The following CCDC183 variants were observed in gnomAD, a reference collection of about 807,000 sequenced individuals.
The protein encoded by CCDC183 is coiled-coil domain-containing protein 183.
CCDC183 carries 63 observed loss-of-function variants against 65.2 expected under a neutral mutation model. The ratio of observed to expected loss-of-function variants is 0.97; its 90% confidence interval spans 0.79 to 1.19. The LOEUF is 1.19. CCDC183 is among the 50% of genes most tolerant of loss of function. CCDC183 has a pLI of 0.00. For missense variants in CCDC183, 769 were observed against 689.3 expected, an observed-to-expected ratio of 1.12 and a Z score of -1.30; for synonymous variants, 323 against 276.5, an observed-to-expected ratio of 1.17 and a Z score of -1.67.
At chr9:136,798,234 G>A (rs1847682765) in intron 1 of CCDC183, among the ~76,000 whole-genome samples, 1 of 151,922 alleles carries the variant, frequency 6.6e-6, no homozygotes, top group Non-Finnish European at 1.5e-5. Context: ...TCAAACTCCT[G>A]ACCTCAGGTG....
intron 8 of CCDC183, 142 bp from the exon 9 acceptor site, chr9:136,805,215 C>T (rs536358424): frequency 1.6e-5 from 11 of 668,262 alleles, no homozygotes; most frequent in African/African-American, 1.4e-4. Flanking sequence ...CAGGTTGGGG[C>T]GGGGGCAGGC....
At position 136,800,436 on chromosome 9, in the gene CCDC183, C is replaced by T. The variant is rs748530768; in HGVS notation, c.486C>T (p.Ile162=). ...ENNIEKTMIK[I]ITSQNIHLLY... The stretch of plus-strand genomic sequence containing the variant: ...ACATCGAGAAGACAATGATCAAGAT[C>T]ATCACCAGCCAGAACATCCACCTGC... Residue 162 remains isoleucine, a synonymous_variant, in exon 5 of 14, where the codon ATC becomes ATT. Coordinates refer to ENST00000338005, the MANE Select transcript of CCDC183 (RefSeq NM_001039374.5). The T allele has an allele frequency of 5.6e-6, 9 of 1,613,012 alleles. No individual in the cohort carries two copies. In the South Asian group the frequency reaches 7.7e-5, roughly 14 times the overall value.
Position 136,806,090 on chromosome 9 carries a change from C to T in CCDC183, c.961C>T (p.Arg321Cys), listed in dbSNP as rs1029437883. Residue 321 changes from arginine (R) to cysteine (C), a missense_variant, in exon 10 of 14, where the codon CGC becomes TGC. Arg to Cys is a radical substitution (Grantham distance 180, BLOSUM62 -3). Transcript: ENST00000338005. Reference sequence around the variant, plus strand: ...CCGGACTGGCCAGGACATCACTAGCCGCTTCCTGGCCCAGAGGAACACGGA... The same window carrying T: ...CCGGACTGGCCAGGACATCACTAGCTGCTTCCTGGCCCAGAGGAACACGGA... ...RCSHVWDITS[R>C]FLAQRNTEEN... 10 of 1,550,598 alleles carry T rather than the reference C, an allele frequency of 6.4e-6. No individual in the cohort carries two copies. Among genetic ancestry groups the T allele is most frequent in the Middle Eastern group, 2.0e-4 (1 of 5,074 alleles).
chr9:136,804,874 G>C lies in CCDC183; in HGVS notation c.847+58G>C. ...AGGGTCCCAAGGAGAGGCTGGCACT[G>C]ATTCAGGCCAACGGATCAAGTCACC... On this transcript the variant is annotated intron_variant, in intron 8 of 13. Coordinates refer to ENST00000338005, the MANE Select transcript of CCDC183 (RefSeq NM_001039374.5). This position sits in a 1 kb window ranked among gnomAD's most constrained non-coding sequence, Gnocchi z 4.1. The C allele has an allele frequency of 6.8e-7, 1 of 1,469,952 alleles. No homozygotes were observed. Among genetic ancestry groups the C allele is most frequent in the South Asian group, 1.1e-5 (1 of 87,624 alleles). The allele number at this position is 1,469,952 out of a possible 1,614,324, so 91.1% of individuals were successfully genotyped here. A position where few individuals can be genotyped will look rare whatever the true frequency, so the allele number is the denominator to read the frequency against.
chr9:136,806,994 C>G lies in CCDC183; in HGVS notation c.1414C>G (p.Leu472Val). Residue 472 changes from leucine to valine, a missense_variant, in exon 13 of 14, where the codon CTG becomes GTG. Coordinates refer to ENST00000338005, the MANE Select transcript of CCDC183 (RefSeq NM_001039374.5). ...EEGDTKVRDT[L>V]ESSTLMEKYN... Reference sequence around the variant, plus strand: ...GGGCGACACAAAGGTGAGGGACACCCTGGAGTCCTCGACTCTGATGGAGAA... The same window carrying G: ...GGGCGACACAAAGGTGAGGGACACCGTGGAGTCCTCGACTCTGATGGAGAA... The G allele has an allele frequency of 1.2e-6, 2 of 1,613,710 alleles. No individual in the cohort carries two copies. Among genetic ancestry groups the G allele is most frequent in the East Asian group, 2.2e-5 (1 of 44,886 alleles).
chr9:136,799,781 C>T lies in CCDC183; in HGVS notation c.261C>T (p.Ser87=). The part of the protein sequence containing the change: ...NLPLRLAHCR[S]TMEVVREKLR... The stretch of plus-strand genomic sequence containing the variant: ...CTTTGCGACTGGCGCACTGCCGCAG[C>T]ACCATGGAGGTAACCAGGCAGGAGG... The change falls in exon 3 of 14, where the codon AGC becomes AGT. Residue 87 remains serine (S), a synonymous_variant. Coordinates refer to ENST00000338005, the MANE Select transcript of CCDC183 (RefSeq NM_001039374.5). The T allele has an allele frequency of 6.2e-7, 1 of 1,612,804 alleles. No individual in the cohort carries two copies. Among genetic ancestry groups the T allele is most frequent in the Non-Finnish European group, 8.5e-7 (1 of 1,179,684 alleles).
chr9:136,800,313 C>G, intron 4 of CCDC183, 76 bp from the exon 5 acceptor site: 1 of 1,483,800 alleles, frequency 6.7e-7, no homozygotes, highest in South Asian at 1.2e-5. Flanking sequence ...CGACCCTCTC[C>G]GGAGAAAACC....
At position 136,806,243 on chromosome 9, in the gene CCDC183, C is replaced by T; in HGVS notation, c.1109+5C>T. On this transcript the variant is annotated splice_donor_5th_base_variant and intron_variant, in intron 10 of 13. Coordinates refer to ENST00000338005, the MANE Select transcript of CCDC183 (RefSeq NM_001039374.5). ...CCAGAAGCCTAGCTCCATCAGGTGC[C>T]CCGGGCTTCCGGGGCTGCGGGCCAC... is the stretch of plus-strand genomic sequence containing the variant. 1 of 1,587,782 alleles carries T rather than the reference C, an allele frequency of 6.3e-7. No individual in the cohort carries two copies. The highest frequency in any genetic ancestry group is 8.6e-7 in the Non-Finnish European group (1 of 1,167,076).
chr9:136,804,846 G>C lies in CCDC183; in HGVS notation c.847+30G>C, dbSNP rs1217100160. The C allele has an allele frequency of 6.2e-7, 1 of 1,604,616 alleles. No homozygotes were observed. Among genetic ancestry groups the C allele is most frequent in the South Asian group, 1.1e-5 (1 of 90,886 alleles). ...GCGCTCAGCTCCCCACCTGCCCCCA[G>C]CCAGGGTCCCAAGGAGAGGCTGGCA... On this transcript the variant is annotated intron_variant, in intron 8 of 13. Coordinates refer to ENST00000338005, the MANE Select transcript of CCDC183 (RefSeq NM_001039374.5). The surrounding 1 kb of genome is among the most constrained non-coding windows in gnomAD (Gnocchi z 4.1).
rs746863076 is a variant in CCDC183 at position 136,802,756 on chromosome 9, A to G, written c.636A>G (p.Gln212=). 2 of 1,613,162 alleles carry G rather than the reference A, an allele frequency of 1.2e-6. No homozygotes were observed. The highest frequency in any genetic ancestry group is 1.7e-6 in the Non-Finnish European group (2 of 1,179,696). ...TGTCGGATATGAAGATCATGTCCCA[A>G]GATGCCATGATGATCACGGATGAGG... is the stretch of plus-strand genomic sequence containing the variant. ...SELSDMKIMS[Q]DAMMITDEVK... Residue 212 remains glutamine (Q), a synonymous_variant, in exon 6 of 14, where the codon CAA becomes CAG. Transcript: ENST00000338005.
Position 136,799,206 on chromosome 9 carries a change from T to A in CCDC183, c.175T>A (p.Trp59Arg). 2 of 1,606,764 alleles carry A rather than the reference T, an allele frequency of 1.2e-6. No homozygotes were observed. The highest frequency in any genetic ancestry group is 1.7e-6 in the Non-Finnish European group (2 of 1,177,102). Residue 59 changes from tryptophan (W) to arginine (R), a missense_variant, in exon 2 of 14, where the codon TGG becomes AGG. Transcript: ENST00000338005. ...CAACATCCGCCGCGGGGCCCAGGAC[T>A]GGGCTTTGGCCAAGAAGGTACACAA... is the stretch of plus-strand genomic sequence containing the variant. ...RSNIRRGAQD[W>R]ALAKKYDQWT...
At chr9:136,801,805 T>C (rs1467108806) in intron 5 of CCDC183, among the ~76,000 whole-genome samples, 1 of 152,182 alleles carries the variant, frequency 6.6e-6, no homozygotes, top group Non-Finnish European at 1.5e-5. Context: ...TTTTGTTTTT[T>C]GAGATGGAGT....
chr9:136,800,162 T>C lies in CCDC183; in HGVS notation c.431T>C (p.Leu144Pro), dbSNP rs749645278. 46 of 1,250,784 alleles carry C rather than the reference T, an allele frequency of 3.7e-5. 1 individual carries two copies. The South Asian group carries it at 5.1e-4, about 14-fold the overall frequency. The allele number at this position is 1,250,784 out of a possible 1,614,324, so 77.5% of individuals were successfully genotyped here. ...GACGCCAGCAAGGAGGAGCTGCGGC[T>C]GCTGCAGGTGGAGAGGCGGGGCTGG... Reference protein sequence around the residue: ...QPDASKEELRLLQIIRQLENN... With the variant: ...QPDASKEELRPLQIIRQLENN... Residue 144 changes from leucine (L) to proline (P), a missense_variant, in exon 4 of 14, where the codon CTG becomes CCG. By Grantham distance (98) the Leu-to-Pro change is moderately conservative. Coordinates refer to ENST00000338005, the MANE Select transcript of CCDC183 (RefSeq NM_001039374.5).
intron 5 of CCDC183, chr9:136,800,778 G>A: frequency 2.6e-6 from 1 of 381,454 alleles, no homozygotes; most frequent in Non-Finnish European, 4.9e-6. Flanking sequence ...CATTGCCTGG[G>A]CCTCTGAGAG....
Position 136,800,317 on chromosome 9 carries a change from G to A in CCDC183, c.439-72G>A, listed in dbSNP as rs1201436005. ...CTAAGAGAGCACGACCCTCTCCGGA[G>A]AAAACCCAGCCCCGACACCCTCCGG... On this transcript the variant is annotated intron_variant, in intron 4 of 13. Coordinates refer to ENST00000338005, the MANE Select transcript of CCDC183 (RefSeq NM_001039374.5). 3 of 1,496,470 alleles carry A rather than the reference G, an allele frequency of 2.0e-6. No homozygotes were observed. The African/African-American group carries it at 4.2e-5, about 21-fold the overall frequency. 92.7% of individuals were successfully genotyped at this position (1,496,470 alleles called of 1,614,324 possible). A position where few individuals can be genotyped will look rare whatever the true frequency, so the allele number is the denominator to read the frequency against.
At chr9:136,799,289 G>C in intron 2 of CCDC183, 66 bp downstream of exon 2, 5 of 1,519,012 alleles carry the variant, frequency 3.3e-6, no homozygotes, top group Non-Finnish European at 4.4e-6. Flanking sequence ...ACACACACTC[G>C]GAGGGCGGGC....
rs76153658 is a variant in CCDC183 at position 136,807,034 on chromosome 9, T to C, written c.1454T>C (p.Ile485Thr). Residue 485 changes from isoleucine (I) to threonine (T), a missense_variant, in exon 13 of 14, where the codon ATC (isoleucine) becomes ACC (threonine). Coordinates refer to ENST00000338005, the MANE Select transcript of CCDC183 (RefSeq NM_001039374.5). ...STLMEKYNTR[I>T]SFENREEDMI... ...CTGATGGAGAAGTACAACACCAGGA[T>C]CAGCTTTGAGAACCGGGAGGAGGAT... 1.2e-3 allele frequency: 1,974 copies of C among 1,613,316 alleles called. 27 individuals carry two copies. The African/African-American group carries it at 0.022, about 18-fold the overall frequency.
chr9:136,807,463 G>T (rs1000274682), intron 13 of CCDC183, 109 bp from the exon 14 acceptor site: 2 of 1,354,364 alleles, frequency 1.5e-6, no homozygotes, highest in South Asian at 3.0e-5. Flanking sequence ...GGCTGTCCCT[G>T]GGGCAAGGCA....
chr9:136,801,945 GC>G (rs1847742276), intron 5 of CCDC183, among the ~76,000 whole-genome samples: 1 of 151,672 alleles, frequency 6.6e-6, no homozygotes, highest in Non-Finnish European at 1.5e-5. Flanking sequence ...CCACTACCAC[GC>G]CCGGCTGATT....
Sources: allele counts gnomAD v4.1 joint callset (sites outside exome capture counted in the v4.1 genomes callset), GRCh38; gene constraint gnomAD v4.1.1; non-coding constraint Gnocchi (gnomAD v3.1); transcripts MANE v1.5; gene names NCBI Gene and HGNC (gene_info 2026-07-23, HGNC 2026-07-21).